Variants in CHL1 observed in about 807,000 individuals in gnomAD.
CHL1 encodes neural cell adhesion molecule L1-like protein.
In CHL1, 96 loss-of-function variants were observed where a neutral mutation model predicts 141.9. The ratio of observed to expected loss-of-function variants is 0.68; its 90% CI spans 0.57 to 0.80. The LOEUF (loss-of-function observed/expected upper bound fraction) is 0.80. Ranked by LOEUF, CHL1 falls within the 30% of genes least tolerant of loss-of-function variation. The pLI is 0.00. For missense variants in CHL1, 1,820 were observed against 1,457.2 expected (o/e 1.25, Z -4.05); for synonymous variants, 613 against 502.2 (o/e 1.22, Z -2.95).
At chr3:329,084 C>G (rs1229171517) in intron 5 of CHL1, among the ~76,000 whole-genome samples, 1 of 152,064 alleles carries the variant, frequency 6.6e-6, no homozygotes, top group Non-Finnish European at 1.5e-5. Context: ...CCTGAAGTAG[C>G]GTACTTTATT....
At chr3:326,153 T>G (rs1700993595) in intron 4 of CHL1, 89 bp downstream of exon 4, 2 of 746,042 alleles carry the variant, frequency 2.7e-6, no homozygotes, top group African/African-American at 1.8e-5. Context: ...CCTGTTGGAC[T>G]ATGAATCCAC....
chr3:238,426 T>C, intron 1 of CHL1, among the ~76,000 whole-genome samples: 1 of 151,332 alleles, frequency 6.6e-6, no homozygotes, highest in Non-Finnish European at 1.5e-5. Flanking sequence ...GGAAAAAAAA[T>C]AAAAAAAATA....
intron 5 of CHL1, among the ~76,000 whole-genome samples, chr3:333,077 T>A (rs1413706324): frequency 6.7e-6 from 1 of 149,948 alleles, no homozygotes; most frequent in East Asian, 2.0e-4. Flanking sequence ...AGTATTGTAT[T>A]AAGAGCTGGG....
intron 2 of CHL1, among the ~76,000 whole-genome samples, chr3:306,030 A>G (rs1392254307): frequency 1.3e-5 from 2 of 152,198 alleles, no homozygotes; most frequent in East Asian, 3.8e-4. Flanking sequence ...ATGCAAATGA[A>G]GAAGGTAATC....
chr3:391,616 A>C, intron 22 of CHL1, 59 bp from the exon 23 acceptor site: 4 of 1,240,376 alleles, frequency 3.2e-6, no homozygotes, highest in Non-Finnish European at 4.6e-6. Flanking sequence ...ATAATATAAT[A>C]AGGCTTTTTT....
chr3:398,159 C>A, intron 24 of CHL1, 68 bp from the exon 25 acceptor site: 1 of 1,133,186 alleles, frequency 8.8e-7, no homozygotes, highest in Non-Finnish European at 1.2e-6. Flanking sequence ...CCTCTAACAA[C>A]AATATTTTTT....
intron 2 of CHL1, among the ~76,000 whole-genome samples, chr3:271,820 C>T (rs1408106228): frequency 6.6e-6 from 1 of 152,108 alleles, no homozygotes; most frequent in African/African-American, 2.4e-5. Context: ...GTTGGGGAAG[C>T]ATCTTAGTTC....
At chr3:332,048 C>T (rs969481448) in intron 5 of CHL1, among the ~76,000 whole-genome samples, 3 of 152,228 alleles carry the variant, frequency 2.0e-5, no homozygotes, top group Admixed American at 6.5e-5. Context: ...GATGCTCTTA[C>T]TTATGACCAA....
At chr3:293,995 C>T (rs907709362) in intron 2 of CHL1, among the ~76,000 whole-genome samples, 2 of 151,900 alleles carry the variant, frequency 1.3e-5, no homozygotes, top group African/African-American at 4.8e-5. Context: ...CTCCTGACTT[C>T]AGGTGACCCA....
intron 10 of CHL1, among the ~76,000 whole-genome samples, chr3:352,804 C>A (rs1470942820): frequency 6.6e-6 from 1 of 152,206 alleles, no homozygotes; most frequent in East Asian, 1.9e-4. Context: ...CTAGTGAATG[C>A]TCAGAACTTC....
intron 1 of CHL1, among the ~76,000 whole-genome samples, chr3:217,859 T>C (rs117004987): frequency 6.6e-6 from 1 of 152,308 alleles, no homozygotes; most frequent in East Asian, 1.9e-4. Flanking sequence ...AAAACAAACC[T>C]TGGCTGTTGC....
intron 18 of CHL1, among the ~76,000 whole-genome samples, chr3:383,339 A>G (rs1195907632): frequency 6.6e-6 from 1 of 152,122 alleles, no homozygotes; most frequent in Non-Finnish European, 1.5e-5. Context: ...ATTCATGACT[A>G]CTGTACAGGT....
At chr3:218,963 G>A (rs1453725675) in intron 1 of CHL1, among the ~76,000 whole-genome samples, 7 of 152,020 alleles carry the variant, frequency 4.6e-5, no homozygotes, top group Admixed American at 1.3e-4. Flanking sequence ...TGGCTAACAC[G>A]GTGAAACCCC....
intron 16 of CHL1, among the ~76,000 whole-genome samples, chr3:381,930 T>C (rs1435654238): frequency 2.6e-5 from 4 of 151,864 alleles, no homozygotes; most frequent in African/African-American, 9.7e-5. Context: ...TCCTTGGCTA[T>C]TGTTTAAAGC....
intron 2 of CHL1, among the ~76,000 whole-genome samples, chr3:280,060 A>G (rs192101960): frequency 7.9e-5 from 12 of 152,354 alleles, no homozygotes; most frequent in Non-Finnish European, 1.2e-4. Flanking sequence ...TGAAAAGAAA[A>G]TAAAAAGAAA....
chr3:212,460 C>T (rs1699978223), intron 1 of CHL1, among the ~76,000 whole-genome samples: 2 of 152,168 alleles, frequency 1.3e-5, no homozygotes, highest in Admixed American at 1.3e-4. Context: ...TGGAAAATTC[C>T]TTGTTCAGCC....
intron 2 of CHL1, among the ~76,000 whole-genome samples, chr3:258,136 T>C (rs1694353624): frequency 6.6e-6 from 1 of 152,176 alleles, no homozygotes. Flanking sequence ...ACTGCATCAA[T>C]TTAAAACGTT....
intron 5 of CHL1, among the ~76,000 whole-genome samples, chr3:332,572 A>G (rs749714313): frequency 4.6e-5 from 7 of 152,122 alleles, no homozygotes; most frequent in Non-Finnish European, 7.4e-5. Context: ...TATTCTTAAA[A>G]TGAGTAAGTG....
rs1443104703 is a variant in CHL1, at chr3:314,311, C to CTCTCTT, written c.-94-5367_-94-5366insTTCTCT. Among the ~76,000 whole-genome samples the CTCTCTT allele has an allele frequency of 4.5e-3, 505 of 112,234 alleles. 15 individuals carry two copies. The highest frequency in any genetic ancestry group is 0.017 in the African/African-American group (469 of 27,194). The allele number at this position is 112,234 out of a possible 152,430, so 73.6% of individuals were successfully genotyped here. Reference sequence around the variant, plus strand: ...CCCCAATCTTGCACTCTCTCTCTTTCTCTCTCTCTCTCTATGTGTATATAT... The same window carrying CTCTCTT: ...CCCCAATCTTGCACTCTCTCTCTTTCTCTCTTTCTCTCTCTCTCTATGTGTATATAT... On this transcript the variant is annotated intron_variant, in intron 2 of 27. Coordinates refer to ENST00000256509, the MANE Select transcript of CHL1 (RefSeq NM_006614.4).
Sources: allele counts gnomAD v4.1 joint callset (sites outside exome capture counted in the v4.1 genomes callset), GRCh38; gene constraint gnomAD v4.1.1; transcripts MANE v1.5; gene names NCBI Gene and HGNC (gene_info 2026-07-23, HGNC 2026-07-21).